Variants in CDC40 observed in about 807,000 individuals in gnomAD.
The protein encoded by CDC40 is pre-mRNA-processing factor 17.
A neutral mutation model predicts 80.6 loss-of-function variants in CDC40; 27 were observed. The ratio of observed to expected loss-of-function variants is 0.33; its 90% CI spans 0.25 to 0.46. The LOEUF is 0.46. Among genes scored for constraint, CDC40 ranks in the 20% least tolerant of loss-of-function variants. The pLI is 1.00. For synonymous variants in CDC40, 221 were observed against 232.6 expected, an observed-to-expected ratio of 0.95 and a Z score of 0.45; for missense variants, 486 against 694.1, an observed-to-expected ratio of 0.70 and a Z score of 3.37.
intron 12 of CDC40, among the ~76,000 whole-genome samples, chr6:110,220,582 C>T (rs1240557630): frequency 6.6e-6 from 1 of 151,278 alleles, no homozygotes; most frequent in Non-Finnish European, 1.5e-5. Context: ...GTAGCTGGGA[C>T]TACAGGCGCC....
chr6:110,198,057 C>T (rs546978840), intron 2 of CDC40, among the ~76,000 whole-genome samples: 1 of 152,280 alleles, frequency 6.6e-6, no homozygotes, highest in African/African-American at 2.4e-5. Context: ...TCCTTGCCAA[C>T]ACTTGTTACC....
chr6:110,225,025 G>A (rs1328361117), intron 12 of CDC40, among the ~76,000 whole-genome samples: 1 of 152,150 alleles, frequency 6.6e-6, no homozygotes, highest in Non-Finnish European at 1.5e-5. Flanking sequence ...GTACCATAGA[G>A]GTATAAAGGG....
At chr6:110,187,322 C>T (rs759586160) in intron 1 of CDC40, among the ~76,000 whole-genome samples, 6 of 152,224 alleles carry the variant, frequency 3.9e-5, no homozygotes, top group Non-Finnish European at 5.9e-5. Flanking sequence ...GGCTTTCTCT[C>T]ATTTCAACCA....
intron 3 of CDC40, among the ~76,000 whole-genome samples, chr6:110,204,742 C>G (rs1160872213): frequency 6.6e-6 from 1 of 150,690 alleles, no homozygotes; most frequent in East Asian, 2.0e-4. Context: ...TCACTGCAAC[C>G]TCTACCTCTG....
intron 9 of CDC40, among the ~76,000 whole-genome samples, chr6:110,216,417 C>G (rs756701156): frequency 6.6e-6 from 1 of 152,198 alleles, no homozygotes; most frequent in Non-Finnish European, 1.5e-5. Context: ...CCTAAGATGT[C>G]ACCGCAGCCT....
intron 2 of CDC40, among the ~76,000 whole-genome samples, chr6:110,193,713 A>T (rs1400520594): frequency 6.6e-6 from 1 of 152,196 alleles, no homozygotes; most frequent in Admixed American, 6.5e-5. Flanking sequence ...CCGAAAATAC[A>T]TCCTTCTATT....
chr6:110,230,010 C>G lies in CDC40; in HGVS notation c.1619C>G (p.Thr540Arg), dbSNP rs774616067. The G allele has an allele frequency of 6.2e-7, 1 of 1,611,914 alleles. No individual in the cohort carries two copies. Among genetic ancestry groups the G allele is most frequent in the African/African-American group, 1.3e-5 (1 of 74,816 alleles). The change falls in exon 15 of 15, where the codon ACA becomes AGA. Residue 540 changes from threonine (T) to arginine (R), a missense_variant. This residue lies in a region of CDC40 where 88 missense variants were observed against 138.7 expected (regional missense o/e 0.63). Coordinates refer to ENST00000307731, the MANE Select transcript of CDC40 (RefSeq NM_015891.3). ...TTAAACATTTGGGACTGGAAGACCA[C>G]AAAACTCTACAGTCGATTTAAAGCT... ...GKLNIWDWKTTKLYSRFKAHD... is the reference protein window; with the variant it reads ...GKLNIWDWKTRKLYSRFKAHD...
chr6:110,212,017 A>T, intron 6 of CDC40, 116 bp from the exon 7 acceptor site: 1 of 799,886 alleles, frequency 1.3e-6, no homozygotes, highest in Non-Finnish European at 2.0e-6. Context: ...GAGTGTTATT[A>T]CCTAAACCTT....
intron 3 of CDC40, among the ~76,000 whole-genome samples, chr6:110,202,987 C>T (rs77883305): frequency 0.051 from 7,832 of 152,164 alleles, 224 homozygotes; most frequent in East Asian, 0.12. Flanking sequence ...CTAAAATAAA[C>T]GGAATGGCCA....
chr6:110,208,971 C>A, intron 4 of CDC40, 113 bp from the exon 5 acceptor site: 1 of 716,032 alleles, frequency 1.4e-6, no homozygotes, highest in Non-Finnish European at 2.2e-6. Context: ...CTTGAACAAT[C>A]ATCTTTCTTT....
At chr6:110,215,803 A>C (rs1030417718) in intron 9 of CDC40, among the ~76,000 whole-genome samples, 1 of 152,192 alleles carries the variant, frequency 6.6e-6, no homozygotes, top group Non-Finnish European at 1.5e-5. Flanking sequence ...GAGGAAGGGA[A>C]ATTAATTACA....
chr6:110,229,875 G>A lies in CDC40; in HGVS notation c.1563-79G>A, dbSNP rs1328892925. The A allele has an allele frequency of 3.5e-5, 30 of 856,572 alleles. No individual in the cohort carries two copies. In the Admixed American group the frequency reaches 7.1e-4, roughly 20 times the overall value. 53.1% of individuals were successfully genotyped at this position (856,572 alleles called of 1,614,324 possible). On this transcript the variant is annotated intron_variant, in intron 14 of 14. Coordinates refer to ENST00000307731, the MANE Select transcript of CDC40 (RefSeq NM_015891.3). ...TTTTTTTTTAATGTTAACGTGAAAA[G>A]ATAACGTCCCTATTCCTCATTCGCC... is the stretch of plus-strand genomic sequence containing the variant.
chr6:110,215,453 G>T, intron 9 of CDC40, 122 bp downstream of exon 9: 1 of 790,526 alleles, frequency 1.3e-6, no homozygotes, highest in Non-Finnish European at 2.1e-6. Context: ...AGCTGAATCT[G>T]GAAGGAGGAG....
intron 1 of CDC40, among the ~76,000 whole-genome samples, chr6:110,191,167 A>G (rs747034742): frequency 2.6e-5 from 4 of 152,180 alleles, no homozygotes; most frequent in Non-Finnish European, 5.9e-5. Context: ...ATTTTGGAAC[A>G]GTGAATGTGG....
chr6:110,201,544 T>C lies in CDC40; in HGVS notation c.277-14T>C, dbSNP rs1562202374. ...TTCTTATTTTATTTTATTTTTTTTC[T>C]TGTAACATTGCAGTTTGGACCAGAA... On this transcript the variant is annotated splice_polypyrimidine_tract_variant and intron_variant, in intron 2 of 14. Transcript: ENST00000307731. 6.3e-7 allele frequency: 1 copy of C among 1,574,834 alleles called. No individual in the cohort carries two copies. The highest frequency in any genetic ancestry group is 1.4e-5 in the African/African-American group (1 of 73,100).
intron 1 of CDC40, among the ~76,000 whole-genome samples, chr6:110,190,108 A>G (rs1199507805): frequency 6.6e-5 from 10 of 152,242 alleles, no homozygotes; most frequent in Admixed American, 3.3e-4. Flanking sequence ...CATAAAAGCC[A>G]TGTGCAACAA....
At chr6:110,185,430 G>T (rs1192287590) in intron 1 of CDC40, among the ~76,000 whole-genome samples, 2 of 149,492 alleles carry the variant, frequency 1.3e-5, no homozygotes, top group African/African-American at 2.5e-5. Context: ...TTTTAGTAGA[G>T]ACGGGGTTTC....
In CDC40 at chr6:110,226,189, T is replaced by C; in HGVS notation, c.1363T>C (p.Tyr455His). The C allele has an allele frequency of 6.2e-7, 1 of 1,608,842 alleles. No individual in the cohort carries two copies. The highest frequency in any genetic ancestry group is 8.5e-7 in the Non-Finnish European group (1 of 1,176,056). ...WEWDIPVDFK[Y>H]IAEPSMHSMP... ...TAGGGATATCCCTGTGGATTTCAAG[T>C]ACATAGCAGAACCCAGTATGCACTC... The change falls in exon 13 of 15, where the codon TAC (tyrosine) becomes CAC (histidine). Residue 455 changes from tyrosine (Y) to histidine (H), a missense_variant. By Grantham distance (83) the Tyr-to-His change is moderately conservative (BLOSUM62 2). This residue lies in a region of CDC40 where 17 missense variants were observed against 63.3 expected (regional missense o/e 0.27). Coordinates refer to ENST00000307731, the MANE Select transcript of CDC40 (RefSeq NM_015891.3).
intron 5 of CDC40, among the ~76,000 whole-genome samples, chr6:110,210,080 A>C (rs906530799): frequency 6.6e-6 from 1 of 152,198 alleles, no homozygotes; most frequent in Admixed American, 6.5e-5. Flanking sequence ...TTCTGAAACT[A>C]GATTTTCTGA....
Sources: allele counts gnomAD v4.1 joint callset (sites outside exome capture counted in the v4.1 genomes callset), GRCh38; gene constraint gnomAD v4.1.1; regional missense constraint gnomAD v4.1.1; transcripts MANE v1.5; gene names NCBI Gene and HGNC (gene_info 2026-07-23, HGNC 2026-07-21).